The following MAST2 variants were observed in gnomAD, a reference collection of about 807,000 sequenced individuals.
MAST2 encodes microtubule-associated serine/threonine-protein kinase 2.
MAST2 carries 70 observed loss-of-function variants against 147.4 expected under a neutral mutation model. The observed-to-expected ratio is 0.47, with a 90% CI of 0.39 to 0.58. The LOEUF (loss-of-function observed/expected upper bound fraction) is 0.58, where lower values mean the gene tolerates loss of function less well. Among genes scored for constraint, MAST2 ranks in the 20% least tolerant of loss-of-function variants. MAST2 has a pLI of 0.00. For missense variants in MAST2, 2,080 were observed against 2,302.3 expected (o/e 0.90, Z 1.98); for synonymous variants, 869 against 896.8 (o/e 0.97, Z 0.55).
At chr1:45,871,253 GT>G (rs960787272) in intron 3 of MAST2, among the ~76,000 whole-genome samples, 3 of 150,590 alleles carry the variant, frequency 2.0e-5, no homozygotes, top group African/African-American at 7.3e-5. Flanking sequence ...TATTGGTAGA[GT>G]TTTTTTTCTT....
chr1:45,949,575 C>T (rs930673147), intron 4 of MAST2, among the ~76,000 whole-genome samples: 5 of 152,124 alleles, frequency 3.3e-5, no homozygotes, highest in African/African-American at 1.2e-4. Flanking sequence ...ATAACAGATG[C>T]TGGCAAGGTT....
intron 3 of MAST2, among the ~76,000 whole-genome samples, chr1:45,870,878 A>G (rs1250340885): frequency 2.6e-5 from 4 of 152,066 alleles, no homozygotes; most frequent in African/African-American, 7.2e-5. Flanking sequence ...GCCGTGAGCC[A>G]TGATTGTGCC....
At chr1:45,927,343 T>G (rs1489095483) in intron 4 of MAST2, among the ~76,000 whole-genome samples, 1 of 152,184 alleles carries the variant, frequency 6.6e-6, no homozygotes, top group African/African-American at 2.4e-5. Context: ...AGGCGGGAAT[T>G]TCCTCTTCCT....
chr1:45,980,311 T>G (rs915820459), intron 5 of MAST2, among the ~76,000 whole-genome samples: 3 of 144,674 alleles, frequency 2.1e-5, no homozygotes, highest in African/African-American at 7.7e-5. Flanking sequence ...AACAAAAGAT[T>G]GGAGACTACT....
rs1320632809 is a variant in MAST2 at position 46,031,804 on chromosome 1, A to T, written c.3187+219A>T. On this transcript the variant is annotated intron_variant, in intron 24 of 28. Transcript: ENST00000361297. This position sits in a 1 kb window ranked among gnomAD's most constrained non-coding sequence, Gnocchi z 4.1. Reference sequence around the variant, plus strand: ...GTGCAGGCTTTGGGGTAGAGAGCTCACACTCAAATCCTGGCTCCATCACTA... The same window carrying T: ...GTGCAGGCTTTGGGGTAGAGAGCTCTCACTCAAATCCTGGCTCCATCACTA... 6.6e-6 allele frequency among the ~76,000 whole-genome samples: 1 copy of T among 152,210 alleles called. No homozygotes were observed. The highest frequency in any genetic ancestry group is 1.9e-4 in the East Asian group (1 of 5,194).
At chr1:45,866,753 T>C (rs1646168359) in intron 3 of MAST2, among the ~76,000 whole-genome samples, 1 of 152,134 alleles carries the variant, frequency 6.6e-6, no homozygotes, top group Non-Finnish European at 1.5e-5. Flanking sequence ...TCTACTTTTT[T>C]TTTTTTGAGA....
intron 5 of MAST2, among the ~76,000 whole-genome samples, chr1:45,983,005 G>T (rs896295780): frequency 5.3e-5 from 8 of 152,112 alleles, no homozygotes; most frequent in African/African-American, 1.9e-4. Context: ...GCAGTTGGTG[G>T]GAATTCATCA....
In MAST2 at chr1:46,029,529, A is replaced by C. The variant is rs771667240; in HGVS notation, c.2282A>C (p.Lys761Thr). The change falls in exon 19 of 29, where the codon AAA (lysine) becomes ACA (threonine). Residue 761 changes from lysine to threonine, a missense_variant. Around this residue, in one of 4 missense-constraint regions of MAST2, gnomAD observed 209 missense variants for 309.5 expected, o/e 0.68. Transcript: ENST00000361297. Reference protein sequence around the residue: ...LPPDAQDLTSKLLHQNPLERL... With the variant: ...LPPDAQDLTSTLLHQNPLERL... ...CCAGACGCCCAGGACCTCACCTCCA[A>C]ACTGCTCCACCAGAACCCTCTGGAG... The C allele has an allele frequency of 4.3e-6, 7 of 1,614,098 alleles. No individual in the cohort carries two copies. Among genetic ancestry groups the C allele is most frequent in the Non-Finnish European group, 5.1e-6 (6 of 1,179,996 alleles).
chr1:46,027,617 T>A, intron 16 of MAST2, 114 bp from the exon 17 acceptor site: 1 of 1,136,730 alleles, frequency 8.8e-7, no homozygotes, highest in African/African-American at 1.6e-5. Flanking sequence ...CTACCCAGCT[T>A]GTGTCTCACA....
chr1:45,984,676 AC>A (rs1409380680), intron 5 of MAST2, among the ~76,000 whole-genome samples: 1 of 152,152 alleles, frequency 6.6e-6, no homozygotes, highest in Non-Finnish European at 1.5e-5. Flanking sequence ...AAGGGTTTAG[AC>A]CTAAGATTTT....
chr1:46,029,634 C>A, intron 19 of MAST2, 67 bp downstream of exon 19: 1 of 1,495,172 alleles, frequency 6.7e-7, no homozygotes, highest in African/African-American at 1.4e-5. Flanking sequence ...AGTCATGTAC[C>A]CTGGAGGTTC....
chr1:45,977,552 C>T (rs2149033533), intron 5 of MAST2, among the ~76,000 whole-genome samples: 1 of 152,164 alleles, frequency 6.6e-6, no homozygotes, highest in Admixed American at 6.5e-5. Context: ...GTAATCCCAG[C>T]ACTTTGGGAG....
At chr1:46,014,877 T>A (rs1008569892) in intron 10 of MAST2, among the ~76,000 whole-genome samples, 18 of 152,210 alleles carry the variant, frequency 1.2e-4, no homozygotes, top group African/African-American at 4.3e-4. Context: ...TATACATTTT[T>A]TTCAGCACCG....
intron 20 of MAST2, 42 bp downstream of exon 20, chr1:46,029,995 G>A: frequency 1.2e-6 from 2 of 1,611,990 alleles, no homozygotes; most frequent in Non-Finnish European, 1.7e-6. Context: ...GGTCCTACCT[G>A]TTTGCCTAGA....
chr1:46,035,938 G>A lies in MAST2; in HGVS notation c.5269G>A (p.Val1757Ile), dbSNP rs770941709. Residue 1757 changes from valine to isoleucine, a missense_variant, in exon 29 of 29, where the codon GTT becomes ATT. By Grantham distance (29) the Val-to-Ile change is conservative (BLOSUM62 3). Transcript: ENST00000361297. This position sits in a 1 kb window ranked among gnomAD's most constrained non-coding sequence, Gnocchi z 5.5. ...TGCCTCAGGTGACAGAAGGCAGGAC[G>A]TTCCATGCCGAGGCTGCCCCCTCAC... ...PDASGDRRQDVPCRGCPLTQK... is the reference protein window; with the variant it reads ...PDASGDRRQDIPCRGCPLTQK... 4.3e-5 allele frequency: 70 copies of A among 1,613,916 alleles called. No individual in the cohort carries two copies. The highest frequency in any genetic ancestry group is 6.7e-5 in the Admixed American group (4 of 60,010).
Position 45,905,505 on chromosome 1 carries a change from G to A in MAST2, c.500+23110G>A, listed in dbSNP as rs906522995. Among the ~76,000 whole-genome samples the A allele has an allele frequency of 8.5e-5, 13 of 152,236 alleles. No individual in the cohort carries two copies. The South Asian group carries it at 2.3e-3, about 27-fold the overall frequency. On this transcript the variant is annotated intron_variant, in intron 4 of 28. Transcript: ENST00000361297. ...TAAAAAATGAAAGAGCCGGCTGTGC[G>A]CGGTGGCTCACGCCTATAATCTCAG...
At chr1:45,985,118 C>T (rs1033164620) in intron 5 of MAST2, among the ~76,000 whole-genome samples, 2 of 152,046 alleles carry the variant, frequency 1.3e-5, no homozygotes, top group African/African-American at 2.4e-5. Flanking sequence ...AGTGCAGTGG[C>T]GTGATCTCAG....
At chr1:45,954,089 C>A (rs975626994) in intron 4 of MAST2, among the ~76,000 whole-genome samples, 2 of 152,092 alleles carry the variant, frequency 1.3e-5, no homozygotes, top group African/African-American at 4.8e-5. Context: ...ATTCTAAATT[C>A]TAAAAGGTGC....
Position 45,992,458 on chromosome 1 carries a change from G to A in MAST2, c.593-5266G>A, listed in dbSNP as rs1416983321. 2.0e-5 allele frequency among the ~76,000 whole-genome samples: 3 copies of A among 151,982 alleles called. No homozygotes were observed. The East Asian group carries it at 5.8e-4, about 29-fold the overall frequency. ...GATATTTCTAATATTGAGAATTTTT[G>A]CATCTGTTTTCATAAGAGGTATTGG... On this transcript the variant is annotated intron_variant, in intron 5 of 28. Transcript: ENST00000361297.
Sources: gnomAD v4.1 joint callset for allele counts (sites outside exome capture counted in the v4.1 genomes callset) on GRCh38, gnomAD v4.1.1 for gene constraint, gnomAD v4.1.1 regional missense constraint, Gnocchi (gnomAD v3.1) non-coding constraint, MANE v1.5 for transcripts, NCBI Gene and HGNC (gene_info 2026-07-23, HGNC 2026-07-21) for gene names.